DMXL2: variants seen among roughly 807,000 people sequenced by gnomAD.
DMXL2 encodes the protein dmX-like protein 2.
A neutral mutation model predicts 331.1 loss-of-function variants in DMXL2; 103 were observed. That is an observed-to-expected ratio of 0.31 (90% CI 0.27 to 0.37). DMXL2 has a LOEUF of 0.37. Ranked by LOEUF, DMXL2 falls within the 10% of genes least tolerant of loss-of-function variation. The pLI, the probability that DMXL2 is intolerant of heterozygous loss-of-function variation, is 1.00. For synonymous variants in DMXL2, 1,281 were observed against 1,252.1 expected (o/e 1.02, Z -0.49); for missense variants, 3,171 against 3,642.9 (o/e 0.87, Z 3.33).
rs2039009998 is a variant in DMXL2, at chr15:51,450,147, T to C, written c.8949A>G (p.Ser2983=). The stretch of plus-strand genomic sequence containing the variant: ...GACTCACCTTTATGTTACCTTCTGC[T>C]GAACCTGTGGTAAAATATTCCTCAT... The part of the protein sequence containing the change: ...DPYEEYFTTG[S]AEGNIKVWRL... Residue 2983 remains serine (S), a synonymous_variant, in exon 43 of 44, where the codon TCA becomes TCG. Coordinates refer to ENST00000560891, the MANE Select transcript of DMXL2 (RefSeq NM_001378457.1). 6.2e-7 allele frequency: 1 copy of C among 1,613,912 alleles called. No individual in the cohort carries two copies. The highest frequency in any genetic ancestry group is 8.5e-7 in the Non-Finnish European group (1 of 1,179,992).
intron 26 of DMXL2, among the ~76,000 whole-genome samples, chr15:51,477,075 C>T (rs1016604187): frequency 6.6e-6 from 1 of 151,982 alleles, no homozygotes; most frequent in Admixed American, 6.5e-5. Flanking sequence ...ATACAGTAGG[C>T]AGAAAGTTTC....
At chr15:51,538,585 A>C in intron 9 of DMXL2, 133 bp from the exon 10 acceptor site, 1 of 632,126 alleles carries the variant, frequency 1.6e-6, no homozygotes, top group East Asian at 2.9e-5. Flanking sequence ...ATTTGTAAAA[A>C]CTTTAACTGA....
intron 1 of DMXL2, among the ~76,000 whole-genome samples, chr15:51,580,599 T>A (rs2051342380): frequency 6.6e-6 from 1 of 152,092 alleles, no homozygotes; most frequent in Non-Finnish European, 1.5e-5. Flanking sequence ...TATCTTGAAA[T>A]CAAGGATATG....
intron 4 of DMXL2, among the ~76,000 whole-genome samples, chr15:51,564,612 A>C (rs748224724): frequency 7.2e-5 from 11 of 152,180 alleles, no homozygotes; most frequent in Non-Finnish European, 1.0e-4. Context: ...ATAAGGCATA[A>C]CTACAAATTA....
At chr15:51,592,962 G>A (rs1436633305) in intron 1 of DMXL2, among the ~76,000 whole-genome samples, 1 of 152,162 alleles carries the variant, frequency 6.6e-6, no homozygotes, top group African/African-American at 2.4e-5. Context: ...GTAAAAACAT[G>A]CCAAATTGTA....
Position 51,593,012 on chromosome 15 carries a change from A to T in DMXL2, c.88-16831T>A, listed in dbSNP as rs1461387789. Among the ~76,000 whole-genome samples, 3 of 152,196 alleles carry T rather than the reference A, an allele frequency of 2.0e-5. 1 individual carries two copies. Among genetic ancestry groups the T allele is most frequent in the African/African-American group, 7.2e-5 (3 of 41,448 alleles). On this transcript the variant is annotated intron_variant, in intron 1 of 43. Transcript: ENST00000560891. ...TAAGAAGACATTGCATCAACTAATG[A>T]GCAAAATAACCAGCTAACATCATAA... is the stretch of plus-strand genomic sequence containing the variant.
intron 16 of DMXL2, among the ~76,000 whole-genome samples, chr15:51,503,234 G>A (rs2140517248): frequency 6.6e-6 from 1 of 152,232 alleles, no homozygotes; most frequent in South Asian, 2.1e-4. Context: ...TTACCCAAAG[G>A]AAAGGAAATC....
chr15:51,480,917 T>C lies in DMXL2; in HGVS notation c.6189A>G (p.Glu2063=). 6.2e-7 allele frequency: 1 copy of C among 1,612,968 alleles called. No homozygotes were observed. Among genetic ancestry groups the C allele is most frequent in the Non-Finnish European group, 8.5e-7 (1 of 1,179,444 alleles). The change falls in exon 24 of 44, where the codon GAA becomes GAG. Residue 2063 remains glutamate, a synonymous_variant. Coordinates refer to ENST00000560891, the MANE Select transcript of DMXL2 (RefSeq NM_001378457.1). ...TELRTLATGY[E]VDGGKLRFQL... Reference sequence around the variant, plus strand: ...GAAATCTGAGTTTTCCTCCATCTACTTCATAACCTGTAGCCAATGTTCTTA... The same window carrying C: ...GAAATCTGAGTTTTCCTCCATCTACCTCATAACCTGTAGCCAATGTTCTTA...
chr15:51,538,413 T>C lies in DMXL2; in HGVS notation c.1145A>G (p.Asp382Gly). Residue 382 changes from aspartate to glycine, a missense_variant, in exon 10 of 44, where the codon GAT becomes GGT. By Grantham distance (94) the Asp-to-Gly change is moderately conservative (BLOSUM62 -1). Around this residue, in one of 7 missense-constraint regions of DMXL2, gnomAD observed 1,674 missense variants for 1,780.2 expected, o/e 0.94. Transcript: ENST00000560891. The stretch of plus-strand genomic sequence containing the variant: ...AACTACAAAGCCCCCATTTCCATCA[T>C]CAACATTAAATGCAGTGCCAACCAA... ...NVLVGTAFNV[D>G]DGNGGFVVHW... The C allele has an allele frequency of 6.2e-7, 1 of 1,612,638 alleles. No individual in the cohort carries two copies. Among genetic ancestry groups the C allele is most frequent in the Non-Finnish European group, 8.5e-7 (1 of 1,178,830 alleles).
In DMXL2 at chr15:51,456,386, T is replaced by A. The variant is rs3736484; in HGVS notation, c.8338-17A>T. 0.011 allele frequency: 16,133 copies of A among 1,495,026 alleles called. 850 individuals are homozygous for A. In the African/African-American group the frequency reaches 0.13, roughly 12 times the overall value. 92.6% of individuals were successfully genotyped at this position (1,495,026 alleles called of 1,614,324 possible). Reference sequence around the variant, plus strand: ...TTTCATAAGCTTTAAAAGAAAATTTTAAAAATTTTATTTTGTGTATGCAGA... The same window carrying A: ...TTTCATAAGCTTTAAAAGAAAATTTAAAAAATTTTATTTTGTGTATGCAGA... On this transcript the variant is annotated splice_polypyrimidine_tract_variant and intron_variant, in intron 37 of 43. Coordinates refer to ENST00000560891, the MANE Select transcript of DMXL2 (RefSeq NM_001378457.1).
At chr15:51,612,759 G>C (rs1427237275) in intron 1 of DMXL2, among the ~76,000 whole-genome samples, 2 of 152,130 alleles carry the variant, frequency 1.3e-5, no homozygotes, top group East Asian at 1.9e-4. Context: ...CAGGAGACAG[G>C]GTTTGAGAGC....
rs1181245693 is a variant in DMXL2 at position 51,513,842 on chromosome 15, TTAAA to T, written c.2644+596_2644+599del. ...AATTTTATTTGCCAATTTAAAAAAC[TTAAA>T]TAAAAGTTTAACGTCTGAAGGGAAC... On this transcript the variant is annotated intron_variant, in intron 15 of 43. Transcript: ENST00000560891. 7.2e-5 allele frequency among the ~76,000 whole-genome samples: 11 copies of T among 152,232 alleles called. No individual in the cohort carries two copies. The East Asian group carries it at 1.7e-3, about 24-fold the overall frequency.
intron 1 of DMXL2, among the ~76,000 whole-genome samples, chr15:51,599,373 A>G (rs981011335): frequency 1.3e-5 from 2 of 152,166 alleles, no homozygotes; most frequent in Non-Finnish European, 2.9e-5. Context: ...TAGGCCTCTC[A>G]GCTGACAGTT....
intron 6 of DMXL2, among the ~76,000 whole-genome samples, chr15:51,554,213 T>C (rs1052271974): frequency 6.6e-6 from 1 of 152,218 alleles, no homozygotes; most frequent in African/African-American, 2.4e-5. Context: ...CTATATTAAA[T>C]CATCCATAGG....
Position 51,536,170 on chromosome 15 carries a change from A to G in DMXL2, c.2310T>C (p.Cys770=), listed in dbSNP as rs758946468. The change falls in exon 12 of 44, where the codon TGT becomes TGC. Residue 770 remains cysteine (C), a synonymous_variant. Coordinates refer to ENST00000560891, the MANE Select transcript of DMXL2 (RefSeq NM_001378457.1). The part of the protein sequence containing the change: ...AWLPTLIPSY[C]LGTYCNSASA... ...ACAATTACAATGAACACTTACCTAG[A>G]CAGTAACTGGGAATGAGAGTTGGAA... is the stretch of plus-strand genomic sequence containing the variant. 16 of 1,578,220 alleles carry G rather than the reference A, an allele frequency of 1.0e-5. No individual in the cohort carries two copies. In the African/African-American group the frequency reaches 2.0e-4, roughly 20 times the overall value.
At chr15:51,488,788 T>A in intron 20 of DMXL2, 143 bp from the exon 21 acceptor site, 1 of 613,920 alleles carries the variant, frequency 1.6e-6, no homozygotes, top group Non-Finnish European at 2.8e-6. Flanking sequence ...CAATCTCCAG[T>A]AGGTTATAAT....
At chr15:51,500,680 T>A (rs1460224446) in intron 17 of DMXL2, among the ~76,000 whole-genome samples, 1 of 152,196 alleles carries the variant, frequency 6.6e-6, no homozygotes, top group Non-Finnish European at 1.5e-5. Flanking sequence ...TAACCTTCTC[T>A]CAAATAATCC....
rs1188518566 is a variant in DMXL2 at position 51,495,149 on chromosome 15, G to T, written c.4673-15C>A. On this transcript the variant is annotated splice_polypyrimidine_tract_variant and intron_variant, in intron 18 of 43. Transcript: ENST00000560891. ...TGTATCTCTTCCTGTAATTTAAACA[G>T]GAAATATGTTTAAGGAAAAAAGAAT... 1.3e-6 allele frequency: 2 copies of T among 1,555,802 alleles called. No individual in the cohort carries two copies. The highest frequency in any genetic ancestry group is 1.1e-5 in the South Asian group (1 of 88,694).
At position 51,480,100 on chromosome 15, in the gene DMXL2, G is replaced by A; in HGVS notation, c.6604C>T (p.Pro2202Ser). The change falls in exon 25 of 44, where the codon CCT becomes TCT. Residue 2202 changes from proline (P) to serine (S), a missense_variant. Coordinates refer to ENST00000560891, the MANE Select transcript of DMXL2 (RefSeq NM_001378457.1). ...GCTGAAAGCAGAGGTAGGGTGGTAG[G>A]CAGTGGTAGTGGAGACTGGAGCTGC... ...VKQLQSPLPLPTTLPLLSASI... is the reference protein window; with the variant it reads ...VKQLQSPLPLSTTLPLLSASI... 3 of 1,589,802 alleles carry A rather than the reference G, an allele frequency of 1.9e-6. No individual in the cohort carries two copies. Among genetic ancestry groups the A allele is most frequent in the South Asian group, 2.2e-5 (2 of 89,036 alleles).
Sources: allele counts gnomAD v4.1 joint callset (sites outside exome capture counted in the v4.1 genomes callset), GRCh38; gene constraint gnomAD v4.1.1; regional missense constraint gnomAD v4.1.1; transcripts MANE v1.5; gene names NCBI Gene and HGNC (gene_info 2026-07-23, HGNC 2026-07-21).